The following GALNT17 variants were observed in gnomAD, a reference collection of about 807,000 sequenced individuals.
GALNT17 encodes polypeptide N-acetylgalactosaminyltransferase 17.
A neutral mutation model predicts 63.7 loss-of-function variants in GALNT17; 29 were observed. The observed-to-expected ratio is 0.46, with a 90% CI of 0.34 to 0.62. The LOEUF is 0.62. GALNT17 is among the 20% of genes least tolerant of loss of function. The pLI is 0.01. For missense variants in GALNT17, 603 were observed against 799.6 expected (o/e 0.75, Z 2.97); for synonymous variants, 305 against 318.3 (o/e 0.96, Z 0.45).
intron 5 of GALNT17, among the ~76,000 whole-genome samples, chr7:71,498,439 C>A (rs1788130242): frequency 6.6e-6 from 1 of 151,962 alleles, no homozygotes; most frequent in African/African-American, 2.4e-5. Flanking sequence ...TACCACTCCA[C>A]AACAGAGTGA....
intron 6 of GALNT17, among the ~76,000 whole-genome samples, chr7:71,642,867 A>G (rs962539932): frequency 3.9e-5 from 6 of 152,146 alleles, no homozygotes; most frequent in South Asian, 2.1e-4. Flanking sequence ...TAGATTCTCT[A>G]TTCCTTCTAT....
chr7:71,181,265 A>AT (rs1289105591), intron 1 of GALNT17, among the ~76,000 whole-genome samples: 1 of 151,448 alleles, frequency 6.6e-6, no homozygotes, highest in African/African-American at 2.4e-5. Context: ...AAAAAAAAAA[A>AT]AAAGTAATGG....
At chr7:71,292,660 AG>A (rs879384558) in intron 1 of GALNT17, among the ~76,000 whole-genome samples, 83 of 116,956 alleles carry the variant, frequency 7.1e-4, no homozygotes, top group Non-Finnish European at 1.0e-3. Flanking sequence ...AGACAGAGAG[AG>A]AGAGAGAGTG....
intron 6 of GALNT17, among the ~76,000 whole-genome samples, chr7:71,648,065 C>G (rs978630872): frequency 6.6e-6 from 1 of 152,220 alleles, no homozygotes; most frequent in Non-Finnish European, 1.5e-5. Flanking sequence ...CTCCAACCTG[C>G]CCCTCCCATG....
At position 71,613,616 on chromosome 7, in the gene GALNT17, T is replaced by C. The variant is rs78509543; in HGVS notation, c.1080+42214T>C. ...GTCTCCTCTGCTGGTCAGAGGCTTA[T>C]GTCTGGGTATTTTTAGCAACCTCCC... is the stretch of plus-strand genomic sequence containing the variant. On this transcript the variant is annotated intron_variant, in intron 6 of 10. Transcript: ENST00000333538. 2.7e-3 allele frequency among the ~76,000 whole-genome samples: 411 copies of C among 152,208 alleles called. 15 individuals carry two copies. The East Asian group carries it at 0.072, about 27-fold the overall frequency.
intron 1 of GALNT17, among the ~76,000 whole-genome samples, chr7:71,200,765 C>T (rs545925196): frequency 6.6e-6 from 1 of 152,102 alleles, no homozygotes; most frequent in East Asian, 1.9e-4. Flanking sequence ...GTTTAATGTA[C>T]CTTTATTGCT....
At position 71,292,664 on chromosome 7, in the gene GALNT17, AGAGAGTGTGTGTGT is replaced by A. The variant is rs1419650687; in HGVS notation, c.239-42884_239-42871del. Among the ~76,000 whole-genome samples the A allele has an allele frequency of 3.5e-5, 4 of 114,248 alleles. No individual in the cohort carries two copies. The East Asian group carries it at 1.0e-3, about 29-fold the overall frequency. 75.0% of individuals were successfully genotyped at this position (114,248 alleles called of 152,430 possible). A position where few individuals can be genotyped will look rare whatever the true frequency, so the allele number is the denominator to read the frequency against. On this transcript the variant is annotated intron_variant, in intron 1 of 10. Transcript: ENST00000333538. Reference sequence around the variant, plus strand: ...GAGAGAGAGAGAGACAGAGAGAGAGAGAGAGTGTGTGTGTGTGTGTGTGTGTGTGTGTGTGTGTG... The same window carrying A: ...GAGAGAGAGAGAGACAGAGAGAGAGAGTGTGTGTGTGTGTGTGTGTGTGTG...
intron 5 of GALNT17, among the ~76,000 whole-genome samples, chr7:71,473,715 TG>T (rs1416586888): frequency 2.6e-5 from 4 of 152,130 alleles, no homozygotes; most frequent in African/African-American, 9.7e-5. Context: ...ATTCAGTCAG[TG>T]GGGTGGCCTA....
rs1793327596 is a variant in GALNT17, at chr7:71,406,302, ACTAACAAAGCTT to A, written c.590-9585_590-9574del. Among the ~76,000 whole-genome samples the A allele has an allele frequency of 2.6e-5, 4 of 152,210 alleles. No homozygotes were observed. The South Asian group carries it at 8.3e-4, about 32-fold the overall frequency. ...CCCCAGTTGGTATTCTCACTGAGAA[ACTAACAAAGCTT>A]CCGCATTGGGCCCCTTACTTGCACG... On this transcript the variant is annotated intron_variant, in intron 3 of 10. Coordinates refer to ENST00000333538, the MANE Select transcript of GALNT17 (RefSeq NM_022479.3).
chr7:71,159,005 G>C (rs2116243016), intron 1 of GALNT17, among the ~76,000 whole-genome samples: 1 of 151,806 alleles, frequency 6.6e-6, no homozygotes, highest in South Asian at 2.1e-4. Context: ...TCCTCGTCTG[G>C]TGTTTCCTAT....
At chr7:71,598,630 T>C (rs374949153) in intron 6 of GALNT17, among the ~76,000 whole-genome samples, 1 of 152,198 alleles carries the variant, frequency 6.6e-6, no homozygotes, top group Non-Finnish European at 1.5e-5. Context: ...ACAAACTATC[T>C]AGAAATATTC....
rs1198633156 is a variant in GALNT17, at chr7:71,621,535, AT to A, written c.1081-43874del. Among the ~76,000 whole-genome samples the A allele has an allele frequency of 6.3e-4, 44 of 69,744 alleles. 2 individuals carry two copies. The highest frequency in any genetic ancestry group is 1.9e-3 in the South Asian group (4 of 2,126). 45.8% of individuals were successfully genotyped at this position (69,744 alleles called of 152,430 possible). On this transcript the variant is annotated intron_variant, in intron 6 of 10. Coordinates refer to ENST00000333538, the MANE Select transcript of GALNT17 (RefSeq NM_022479.3). ...GATGGATGGATGGATGGATGGATGG[AT>A]TGATGGATTGATGGATAGATGGATG...
chr7:71,359,378 C>T (rs1792354697), intron 2 of GALNT17, among the ~76,000 whole-genome samples: 2 of 151,978 alleles, frequency 1.3e-5, no homozygotes, highest in South Asian at 4.2e-4. Flanking sequence ...GGGTGCCAGG[C>T]TCTTTTCAAC....
At chr7:71,154,795 C>T (rs543308577) in intron 1 of GALNT17, among the ~76,000 whole-genome samples, 1 of 151,372 alleles carries the variant, frequency 6.6e-6, no homozygotes, top group South Asian at 2.1e-4. Flanking sequence ...CCAGGATGGT[C>T]TCAATCTCCT....
intron 9 of GALNT17, among the ~76,000 whole-genome samples, chr7:71,687,962 T>G (rs1170082996): frequency 6.6e-6 from 1 of 152,072 alleles, no homozygotes; most frequent in Non-Finnish European, 1.5e-5. Flanking sequence ...CCTCCCAAAG[T>G]GCTGGGATTA....
At chr7:71,359,630 C>T (rs976793119) in intron 2 of GALNT17, among the ~76,000 whole-genome samples, 1 of 151,546 alleles carries the variant, frequency 6.6e-6, no homozygotes, top group African/African-American at 2.4e-5. Context: ...GTCACCCAGG[C>T]TGGAGTGCGG....
Position 71,433,666 on chromosome 7 carries a change from G to T in GALNT17, c.962+12561G>T, listed in dbSNP as rs576842755. 5.3e-5 allele frequency among the ~76,000 whole-genome samples: 8 copies of T among 152,274 alleles called. No homozygotes were observed. In the South Asian group the frequency reaches 1.7e-3, roughly 32 times the overall value. ...ATTTTGCCTGTCCCTTCTTTTGTCA[G>T]AGCAGCACAGAGTACAGCAGGTGAT... On this transcript the variant is annotated intron_variant, in intron 5 of 10. Transcript: ENST00000333538.
At chr7:71,552,745 C>T (rs774906997) in intron 5 of GALNT17, among the ~76,000 whole-genome samples, 1 of 152,060 alleles carries the variant, frequency 6.6e-6, no homozygotes, top group Non-Finnish European at 1.5e-5. Context: ...CCCGGCCCAC[C>T]AGGTTACTCT....
intron 10 of GALNT17, 73 bp from the exon 11 acceptor site, chr7:71,711,945 C>T: frequency 2.6e-6 from 4 of 1,512,716 alleles, no homozygotes; most frequent in Non-Finnish European, 9.1e-7. Context: ...TCTCTTTCTC[C>T]TCTCTCTATA....
Sources: allele counts gnomAD v4.1 joint callset (sites outside exome capture counted in the v4.1 genomes callset), GRCh38; gene constraint gnomAD v4.1.1; transcripts MANE v1.5; gene names NCBI Gene and HGNC (gene_info 2026-07-23, HGNC 2026-07-21).